VIT: variants seen among roughly 807,000 people sequenced by gnomAD.
VIT encodes vitrin.
In VIT, 99 loss-of-function variants were observed where a neutral mutation model predicts 78.0. That is an observed-to-expected ratio of 1.27 (90% CI 1.08 to 1.50). The LOEUF (loss-of-function observed/expected upper bound fraction) is 1.50. Ranked by LOEUF, VIT falls within the 40% of genes most tolerant of loss-of-function variation. The probability of loss-of-function intolerance (pLI) is 0.00; values close to 1 mark genes in which losing one functional copy is unlikely to be tolerated. For missense variants in VIT, 1,126 were observed against 875.3 expected (o/e 1.29, Z -3.61); for synonymous variants, 374 against 334.3 (o/e 1.12, Z -1.29).
At chr2:36,752,968 C>T (rs543024248) in intron 4 of VIT, among the ~76,000 whole-genome samples, 4 of 152,192 alleles carry the variant, frequency 2.6e-5, no homozygotes, top group Non-Finnish European at 4.4e-5. Flanking sequence ...AAATGCCCAT[C>T]GATGATAGAC....
intron 3 of VIT, 92 bp from the exon 4 acceptor site, chr2:36,743,008 G>C: frequency 6.6e-7 from 1 of 1,526,716 alleles, no homozygotes; most frequent in East Asian, 2.3e-5. Context: ...CTGGCTTTTA[G>C]AGATTAAGTC....
intron 2 of VIT, among the ~76,000 whole-genome samples, chr2:36,718,839 G>A (rs1666321996): frequency 6.6e-6 from 1 of 152,148 alleles, no homozygotes; most frequent in Non-Finnish European, 1.5e-5. Flanking sequence ...ACAAAAAAAT[G>A]GGCTAGCACA....
At chr2:36,803,908 G>A (rs894073921) in intron 13 of VIT, among the ~76,000 whole-genome samples, 2 of 152,112 alleles carry the variant, frequency 1.3e-5, no homozygotes, top group Admixed American at 6.5e-5. Context: ...ATAATTTCAA[G>A]TGCCCTGGGG....
chr2:36,720,677 T>G (rs2148460925), intron 2 of VIT, among the ~76,000 whole-genome samples: 1 of 152,294 alleles, frequency 6.6e-6, no homozygotes, highest in South Asian at 2.1e-4. Context: ...TTCCAGGGGC[T>G]GGGGAGCCAG....
At chr2:36,708,110 T>TCCCCCCCCCC (rs141908586) in intron 1 of VIT, among the ~76,000 whole-genome samples, 20 of 137,786 alleles carry the variant, frequency 1.5e-4, no homozygotes, top group Non-Finnish European at 1.9e-4. Flanking sequence ...GTAAAGGACC[T>TCCCCCCCCCC]CCCCCCCCCG....
At chr2:36,732,437 G>A (rs1667266952) in intron 3 of VIT, among the ~76,000 whole-genome samples, 1 of 152,116 alleles carries the variant, frequency 6.6e-6, no homozygotes, top group Admixed American at 6.6e-5. Context: ...TACAATGAAG[G>A]TAATTGGATA....
At chr2:36,757,759 A>AT (rs1668857448) in intron 5 of VIT, among the ~76,000 whole-genome samples, 2 of 152,104 alleles carry the variant, frequency 1.3e-5, no homozygotes, top group Non-Finnish European at 1.5e-5. Context: ...ACATTTTAAC[A>AT]TTTTTTCCAT....
intron 1 of VIT, among the ~76,000 whole-genome samples, chr2:36,712,712 T>C (rs1665882008): frequency 6.6e-6 from 1 of 152,106 alleles, no homozygotes; most frequent in African/African-American, 2.4e-5. Context: ...GGCAGGCGCC[T>C]GTAATCCCAG....
At chr2:36,797,814 A>C (rs1042800966) in intron 12 of VIT, among the ~76,000 whole-genome samples, 3 of 152,198 alleles carry the variant, frequency 2.0e-5, no homozygotes, top group Admixed American at 6.5e-5. Context: ...AGAGATGCAC[A>C]GAAATAGAAC....
chr2:36,752,742 T>A (rs1558540104), intron 4 of VIT, among the ~76,000 whole-genome samples: 1 of 152,220 alleles, frequency 6.6e-6, no homozygotes, highest in Non-Finnish European at 1.5e-5. Context: ...CCTGAAAGCA[T>A]AACAATTGGC....
At position 36,808,637 on chromosome 2, in the gene VIT, A is replaced by G; in HGVS notation, c.1555A>G (p.Ser519Gly). 1 of 1,614,244 alleles carries G rather than the reference A, an allele frequency of 6.2e-7. No individual in the cohort carries two copies. Among genetic ancestry groups the G allele is most frequent in the Non-Finnish European group, 8.5e-7 (1 of 1,180,046 alleles). The stretch of plus-strand genomic sequence containing the variant: ...CATTGGCTTCGTCATCGACGGCTCC[A>G]GCAGTGTGGGGACGGGCAACTTCCG... ...ADIGFVIDGS[S>G]SVGTGNFRTV... is the part of the protein sequence containing the mutation. The change falls in exon 15 of 16, where the codon AGC becomes GGC. Residue 519 changes from serine (S) to glycine (G), a missense_variant. By Grantham distance (56) the Ser-to-Gly change is moderately conservative. Transcript: ENST00000379242.
intron 10 of VIT, among the ~76,000 whole-genome samples, chr2:36,782,204 A>G (rs1664805861): frequency 6.6e-6 from 1 of 152,206 alleles, no homozygotes; most frequent in African/African-American, 2.4e-5. Context: ...AAGACCTTCC[A>G]GCTCTTCATG....
At chr2:36,720,407 A>G (rs796171611) in intron 2 of VIT, among the ~76,000 whole-genome samples, 18 of 152,358 alleles carry the variant, frequency 1.2e-4, no homozygotes, top group African/African-American at 4.3e-4. Flanking sequence ...AATCTCTTCA[A>G]TAAGTGTTAT....
chr2:36,718,256 G>C (rs528556557), intron 2 of VIT, among the ~76,000 whole-genome samples: 1 of 152,246 alleles, frequency 6.6e-6, no homozygotes, highest in South Asian at 2.1e-4. Flanking sequence ...GAGTGCTTAA[G>C]GTCTGTTCAG....
Position 36,711,502 on chromosome 2 carries a change from A to G in VIT, c.-18-4851A>G, listed in dbSNP as rs148427024. Among the ~76,000 whole-genome samples the G allele has an allele frequency of 3.2e-3, 484 of 152,270 alleles. 3 individuals are homozygous for G. The highest frequency in any genetic ancestry group is 0.011 in the African/African-American group (467 of 41,566). On this transcript the variant is annotated intron_variant, in intron 1 of 15. Transcript: ENST00000379242. ...GCTTGACTTTGGGTATGTGACCTTGAATAAGTCACTTACCCACTGCAGACC... is the reference window on the plus strand; with the variant it reads ...GCTTGACTTTGGGTATGTGACCTTGGATAAGTCACTTACCCACTGCAGACC...
chr2:36,732,441 T>C (rs140766309), intron 3 of VIT, among the ~76,000 whole-genome samples: 4 of 152,330 alleles, frequency 2.6e-5, no homozygotes, highest in South Asian at 4.1e-4. Context: ...ATGAAGGTAA[T>C]TGGATATTCC....
At chr2:36,710,986 C>T (rs576476969) in intron 1 of VIT, among the ~76,000 whole-genome samples, 7 of 152,322 alleles carry the variant, frequency 4.6e-5, no homozygotes, top group African/African-American at 1.7e-4. Flanking sequence ...TGAGATACTA[C>T]CAAACTGTTT....
chr2:36,736,296 A>G (rs1572443308), intron 3 of VIT, among the ~76,000 whole-genome samples: 2 of 152,210 alleles, frequency 1.3e-5, no homozygotes. Context: ...TACCTTATAC[A>G]TTTTAAGGAT....
intron 15 of VIT, among the ~76,000 whole-genome samples, chr2:36,813,120 A>G (rs1332197139): frequency 1.4e-5 from 2 of 146,600 alleles, no homozygotes; most frequent in Non-Finnish European, 3.0e-5. Flanking sequence ...GATTACAGGC[A>G]TGCGCCACCG....
Sources: gnomAD v4.1 joint callset for allele counts (sites outside exome capture counted in the v4.1 genomes callset) on GRCh38, gnomAD v4.1.1 for gene constraint, MANE v1.5 for transcripts, NCBI Gene and HGNC (gene_info 2026-07-23, HGNC 2026-07-21) for gene names.